Variants in FRYL observed in about 807,000 individuals in gnomAD.
The protein encoded by FRYL is protein furry homolog-like.
In FRYL, 150 loss-of-function variants were observed where a neutral mutation model predicts 351.2. The ratio of observed to expected loss-of-function variants is 0.43; its 90% CI spans 0.37 to 0.49. The LOEUF (loss-of-function observed/expected upper bound fraction) is 0.49, where lower values mean the gene tolerates loss of function less well. FRYL is among the 20% of genes least tolerant of loss of function. The pLI is 0.00. For missense variants in FRYL, 3,036 were observed against 3,619.3 expected (o/e 0.84, Z 4.13); for synonymous variants, 1,153 against 1,257.1 (o/e 0.92, Z 1.75).
At chr4:48,539,896 G>C in intron 47 of FRYL, 75 bp downstream of exon 47, 1 of 1,081,318 alleles carries the variant, frequency 9.2e-7, no homozygotes, top group Non-Finnish European at 1.4e-6. Flanking sequence ...AGTTTTAAGA[G>C]ATTTCCCCCT....
In FRYL at chr4:48,632,096, A is replaced by ATATATATATATATATATATG. The variant is rs1560753437; in HGVS notation, c.120+2194_120+2195insCATATATATATATATATATA. Among the ~76,000 whole-genome samples the ATATATATATATATATATATG allele has an allele frequency of 5.1e-3, 83 of 16,150 alleles. 3 individuals are homozygous for ATATATATATATATATATATG. Among genetic ancestry groups the ATATATATATATATATATATG allele is most frequent in the Non-Finnish European group, 0.01 (68 of 6,576 alleles). The allele number at this position is 16,150 out of a possible 152,430, so 10.6% of individuals were successfully genotyped here. A position where few individuals can be genotyped will look rare whatever the true frequency, so the allele number is the denominator to read the frequency against. ...AAAAAAAAAAAAAAAAAAAAAATAT[A>ATATATATATATATATATATG]TATATATATATATATATATATATAT... is the stretch of plus-strand genomic sequence containing the variant. On this transcript the variant is annotated intron_variant, in intron 4 of 63. Transcript: ENST00000358350.
intron 3 of FRYL, among the ~76,000 whole-genome samples, chr4:48,666,137 A>G (rs1451065287): frequency 3.3e-5 from 5 of 152,190 alleles, no homozygotes; most frequent in Admixed American, 6.5e-5. Flanking sequence ...CAAGGCGGGC[A>G]GATCACTTGA....
chr4:48,689,314 G>A (rs2149555072), intron 2 of FRYL, among the ~76,000 whole-genome samples: 1 of 152,122 alleles, frequency 6.6e-6, no homozygotes. Flanking sequence ...GCATCACAGT[G>A]GTACATTTTC....
At chr4:48,764,458 G>A (rs187660723) in intron 1 of FRYL, among the ~76,000 whole-genome samples, 2 of 151,420 alleles carry the variant, frequency 1.3e-5, no homozygotes, top group Non-Finnish European at 2.9e-5. Flanking sequence ...TTGAGCCCAG[G>A]AGGTCAAGGC....
Position 48,527,544 on chromosome 4 carries a change from C to T in FRYL, c.7250G>A (p.Ser2417Asn). The T allele has an allele frequency of 6.2e-7, 1 of 1,613,136 alleles. No individual in the cohort carries two copies. The highest frequency in any genetic ancestry group is 1.3e-5 in the African/African-American group (1 of 74,958). The change falls in exon 53 of 64, where the codon AGC becomes AAC. Residue 2417 changes from serine (S) to asparagine (N), a missense_variant. By Grantham distance (46) the Ser-to-Asn change is conservative. Transcript: ENST00000358350. ...QEEEVAVEDN[S>N]SEQQFGVFKD... ...AAAAACACCAAACTGTTGTTCACTG[C>T]TATTATCTTCCACAGCTACTTCTTC...
At chr4:48,541,096 C>A (rs1473444001) in intron 45 of FRYL, 136 bp from the exon 46 acceptor site, 9 of 801,234 alleles carry the variant, frequency 1.1e-5, no homozygotes, top group Non-Finnish European at 1.7e-5. Flanking sequence ...TTTGTTGAAT[C>A]AAATTTCAGT....
chr4:48,584,838 A>G (rs757164497), intron 19 of FRYL, among the ~76,000 whole-genome samples: 15 of 152,236 alleles, frequency 9.9e-5, no homozygotes, highest in Non-Finnish European at 2.1e-4. Context: ...GGTAAAGTAA[A>G]TAAGATTTAG....
intron 4 of FRYL, among the ~76,000 whole-genome samples, chr4:48,633,077 C>T (rs1312853405): frequency 2.0e-5 from 3 of 152,122 alleles, no homozygotes; most frequent in Admixed American, 6.6e-5. Flanking sequence ...GTTACAACAT[C>T]CTTCGCCTTC....
In FRYL at chr4:48,543,788, A is replaced by T. The variant is rs1730744368; in HGVS notation, c.5592+19T>A. The T allele has an allele frequency of 1.2e-6, 2 of 1,604,870 alleles. No individual in the cohort carries two copies. The highest frequency in any genetic ancestry group is 1.7e-5 in the Admixed American group (1 of 58,976). ...ACTAGTAGCTGCTCAATAACTGCTG[A>T]AAGAATATAAGGAAATACCTGTGCA... is the stretch of plus-strand genomic sequence containing the variant. On this transcript the variant is annotated intron_variant, in intron 44 of 63. Coordinates refer to ENST00000358350, the MANE Select transcript of FRYL (RefSeq NM_015030.2).
chr4:48,546,379 C>G (rs1285330836), intron 41 of FRYL, 108 bp from the exon 42 acceptor site: 1 of 815,306 alleles, frequency 1.2e-6, no homozygotes, highest in African/African-American at 1.7e-5. Context: ...ATGAGGCAAT[C>G]TGTCAGTGCA....
At position 48,620,651 on chromosome 4, in the gene FRYL, G is replaced by A; in HGVS notation, c.302C>T (p.Thr101Ile). The change falls in exon 6 of 64, where the codon ACA becomes ATA. Residue 101 changes from threonine to isoleucine, a missense_variant. Thr to Ile is a moderately conservative substitution (Grantham distance 89). Around this residue, in one of 7 missense-constraint regions of FRYL, gnomAD observed 457 missense variants for 566.6 expected, o/e 0.81. Coordinates refer to ENST00000358350, the MANE Select transcript of FRYL (RefSeq NM_015030.2). ...ATAAAGCACTTACCCCTTAGACTTTGTGCTAGACCGAGGCCTATATTCATA... is the reference window on the plus strand; with the variant it reads ...ATAAAGCACTTACCCCTTAGACTTTATGCTAGACCGAGGCCTATATTCATA... ...ESYEYRPRSS[T>I]KSKGDEQQRE... 1.2e-6 allele frequency: 2 copies of A among 1,613,548 alleles called. No individual in the cohort carries two copies. Among genetic ancestry groups the A allele is most frequent in the Non-Finnish European group, 1.7e-6 (2 of 1,179,580 alleles).
chr4:48,756,294 T>C (rs561521121), intron 1 of FRYL, among the ~76,000 whole-genome samples: 6 of 152,264 alleles, frequency 3.9e-5, no homozygotes, highest in African/African-American at 1.4e-4. Context: ...TGGTAAACTT[T>C]TGTTTCCAAT....
intron 3 of FRYL, among the ~76,000 whole-genome samples, chr4:48,641,094 C>T (rs553866693): frequency 1.3e-5 from 2 of 152,222 alleles, no homozygotes; most frequent in South Asian, 4.1e-4. Context: ...TCTGGTGAGG[C>T]CAGTTGAATT....
intron 44 of FRYL, 119 bp from the exon 45 acceptor site, chr4:48,542,240 C>T: frequency 1.4e-6 from 1 of 709,266 alleles, no homozygotes; most frequent in Non-Finnish European, 2.5e-6. Context: ...AATGATTAAA[C>T]TCTTGAGCAA....
intron 7 of FRYL, among the ~76,000 whole-genome samples, chr4:48,610,137 C>T (rs1747750179): frequency 6.6e-6 from 1 of 152,098 alleles, no homozygotes; most frequent in Admixed American, 6.5e-5. Context: ...GACATGTACA[C>T]CTCCCTGTAA....
In FRYL at chr4:48,720,237, C is replaced by A. The variant is rs543568132; in HGVS notation, c.-383-9539G>T. Among the ~76,000 whole-genome samples, 161 of 151,964 alleles carry A rather than the reference C, an allele frequency of 1.1e-3. 2 individuals carry two copies. Among genetic ancestry groups the A allele is most frequent in the African/African-American group, 3.6e-3 (148 of 41,458 alleles). ...TTAAGGCTGGGCATGGCGGCTCATG[C>A]CTGTAATCCCAGCACTTTGCGAGGC... On this transcript the variant is annotated intron_variant, in intron 1 of 63. Transcript: ENST00000358350.
chr4:48,682,620 C>A (rs1764744478), intron 3 of FRYL, among the ~76,000 whole-genome samples: 1 of 152,194 alleles, frequency 6.6e-6, no homozygotes, highest in African/African-American at 2.4e-5. Flanking sequence ...TATGAACAGA[C>A]ACTTCTCAAA....
At chr4:48,654,210 TCTCA>T (rs1758310868) in intron 3 of FRYL, among the ~76,000 whole-genome samples, 1 of 151,348 alleles carries the variant, frequency 6.6e-6, no homozygotes, top group African/African-American at 2.4e-5. Context: ...TACCAACTTT[TCTCA>T]CTAAGAGCCT....
At chr4:48,642,774 T>C (rs1454149235) in intron 3 of FRYL, among the ~76,000 whole-genome samples, 1 of 152,130 alleles carries the variant, frequency 6.6e-6, no homozygotes, top group African/African-American at 2.4e-5. Flanking sequence ...TGTGCTTTTT[T>C]GGTAATCTTT....
Sources: allele counts gnomAD v4.1 joint callset (sites outside exome capture counted in the v4.1 genomes callset), GRCh38; gene constraint gnomAD v4.1.1; regional missense constraint gnomAD v4.1.1; transcripts MANE v1.5; gene names NCBI Gene and HGNC (gene_info 2026-07-23, HGNC 2026-07-21).